Variants in BMP6 observed in about 807,000 individuals in gnomAD.
BMP6 encodes the protein VG-1-R.
In BMP6, 17 loss-of-function variants were observed where a neutral mutation model predicts 54.1. The observed-to-expected ratio is 0.31, with a 90% CI of 0.22 to 0.47. The LOEUF is 0.47. BMP6 is among the 20% of genes least tolerant of loss of function. BMP6 has a pLI of 1.00. For missense variants in BMP6, 720 were observed against 690.4 expected, an observed-to-expected ratio of 1.04 and a Z score of -0.48; for synonymous variants, 328 against 291.2, an observed-to-expected ratio of 1.13 and a Z score of -1.28.
chr6:7,758,525 A>G (rs1043572193), intron 1 of BMP6, among the ~76,000 whole-genome samples: 24 of 152,186 alleles, frequency 1.6e-4, no homozygotes, highest in Admixed American at 1.4e-3. Flanking sequence ...ACGGTTTGCA[A>G]CCAAGCCTAT....
At chr6:7,729,072 C>G (rs2113099246) in intron 1 of BMP6, among the ~76,000 whole-genome samples, 1 of 152,318 alleles carries the variant, frequency 6.6e-6, no homozygotes, top group African/African-American at 2.4e-5. Flanking sequence ...GCCTGCCAAT[C>G]TGGCTGCTTG....
chr6:7,806,377 C>A (rs1037288556), intron 1 of BMP6, among the ~76,000 whole-genome samples: 4 of 152,194 alleles, frequency 2.6e-5, no homozygotes, highest in Admixed American at 2.6e-4. Flanking sequence ...GCTGATTGCC[C>A]ATGTGAGGAC....
intron 1 of BMP6, among the ~76,000 whole-genome samples, chr6:7,807,913 CTTTTTTTTTTTTTTTT>C (rs755894743): frequency 1.2e-5 from 1 of 81,502 alleles, no homozygotes; most frequent in Non-Finnish European, 2.3e-5. Flanking sequence ...GAAGTCTTTA[CTTTTTTTTTTTTTTTT>C]TTTTTTTTTG....
rs536619203 is a variant in BMP6, at chr6:7,824,909, T to C, written c.665-20231T>C. 3.9e-4 allele frequency among the ~76,000 whole-genome samples: 60 copies of C among 152,352 alleles called. 2 individuals carry two copies. The South Asian group carries it at 0.012, about 30-fold the overall frequency. ...GGGAAAAAGGGAAAAGGTAGGCGTT[T>C]AACAAAGGCATTTCATACCACTGGC... On this transcript the variant is annotated intron_variant, in intron 1 of 6. Coordinates refer to ENST00000283147, the MANE Select transcript of BMP6 (RefSeq NM_001718.6).
chr6:7,845,008 A>T, intron 1 of BMP6, 132 bp from the exon 2 acceptor site: 1 of 786,502 alleles, frequency 1.3e-6, no homozygotes, highest in Non-Finnish European at 2.1e-6. Flanking sequence ...TCTGTTCACT[A>T]CCCGATCCCC....
intron 4 of BMP6, among the ~76,000 whole-genome samples, chr6:7,866,170 G>A (rs1199080308): frequency 1.3e-5 from 2 of 152,250 alleles, no homozygotes; most frequent in African/African-American, 4.8e-5. Flanking sequence ...CTAAATGAAG[G>A]CTGGATGTTG....
intron 1 of BMP6, among the ~76,000 whole-genome samples, chr6:7,792,424 C>T (rs1159751061): frequency 2.6e-5 from 4 of 152,346 alleles, no homozygotes; most frequent in African/African-American, 9.6e-5. Flanking sequence ...CCACACCACA[C>T]ATCTTCTAAA....
At position 7,880,589 on chromosome 6, in the gene BMP6, A is replaced by G. The variant is rs1759702087; in HGVS notation, c.*246A>G. On this transcript the variant is annotated 3_prime_UTR_variant, in exon 7 of 7. Transcript: ENST00000283147. ...GATGTCTGTAGCATAAGGTCTGGTA[A>G]CTGCAGAAACATAACCGTGAAGCTC... The G allele has an allele frequency of 9.4e-6, 5 of 532,206 alleles. No individual in the cohort carries two copies. Among genetic ancestry groups the G allele is most frequent in the African/African-American group, 1.9e-5 (1 of 52,838 alleles). 33.0% of individuals were successfully genotyped at this position (532,206 alleles called of 1,614,324 possible). A position where few individuals can be genotyped will look rare whatever the true frequency, so the allele number is the denominator to read the frequency against.
intron 1 of BMP6, among the ~76,000 whole-genome samples, chr6:7,824,763 G>C (rs530996272): frequency 7.9e-5 from 12 of 152,100 alleles, no homozygotes; most frequent in African/African-American, 2.7e-4. Flanking sequence ...ATTGAGTGTT[G>C]GTATTTTCTA....
intron 1 of BMP6, among the ~76,000 whole-genome samples, chr6:7,779,419 A>T (rs904544523): frequency 1.3e-5 from 2 of 151,160 alleles, no homozygotes; most frequent in Non-Finnish European, 2.9e-5. Flanking sequence ...GCTCACTTCA[A>T]CCTCCACCTC....
intron 1 of BMP6, among the ~76,000 whole-genome samples, chr6:7,800,082 GTGTGTGT>G (rs1561775712): frequency 2.5e-3 from 96 of 38,096 alleles, no homozygotes; most frequent in African/African-American, 0.012. Context: ...AGGAAGGGGT[GTGTGTGT>G]GTGTGTGTGT....
At position 7,726,160 on chromosome 6, in the gene BMP6, GCGCCGC is replaced by G. The variant is rs1271993595; in HGVS notation, c.-789_-784del. 6.6e-6 allele frequency among the ~76,000 whole-genome samples: 1 copy of G among 152,202 alleles called. No homozygotes were observed. The highest frequency in any genetic ancestry group is 6.5e-5 in the Admixed American group (1 of 15,290). ...TGGAGAGGCGGGAGACCGAATTCCGGCGCCGCCGCCGCGGCCGCTGCTCGGTGCACT... is the reference window on the plus strand; with the variant it reads ...TGGAGAGGCGGGAGACCGAATTCCGGCGCCGCGGCCGCTGCTCGGTGCACT... On this transcript the variant is annotated 5_prime_UTR_variant, in exon 1 of 7. Coordinates refer to ENST00000283147, the MANE Select transcript of BMP6 (RefSeq NM_001718.6).
chr6:7,838,567 A>T (rs1758913951), intron 1 of BMP6, among the ~76,000 whole-genome samples: 1 of 152,120 alleles, frequency 6.6e-6, no homozygotes, highest in Non-Finnish European at 1.5e-5. Context: ...ACCGAACTGG[A>T]CTCCAACATC....
At position 7,804,313 on chromosome 6, in the gene BMP6, C is replaced by T. The variant is rs72827095; in HGVS notation, c.665-40827C>T. 8.2e-3 allele frequency among the ~76,000 whole-genome samples: 1,245 copies of T among 151,656 alleles called. 8 individuals are homozygous for T. Among genetic ancestry groups the T allele is most frequent in the Non-Finnish European group, 0.014 (959 of 67,912 alleles). The stretch of plus-strand genomic sequence containing the variant: ...TTTTTTTTTAAACTCTCACTTAAAA[C>T]TTACATATTTTTAAAAATTACCTCC... On this transcript the variant is annotated intron_variant, in intron 1 of 6. Transcript: ENST00000283147.
chr6:7,854,850 G>C (rs7768784), intron 2 of BMP6, among the ~76,000 whole-genome samples: 1,958 of 152,286 alleles, frequency 0.013, 35 homozygotes, highest in African/African-American at 0.045. Flanking sequence ...CTCCGCACTT[G>C]ATCACTAGTG....
rs190099056 is a variant in BMP6 at position 7,828,504 on chromosome 6, A to C, written c.665-16636A>C. Among the ~76,000 whole-genome samples the C allele has an allele frequency of 2.0e-5, 3 of 152,278 alleles. No individual in the cohort carries two copies. The East Asian group carries it at 5.8e-4, about 29-fold the overall frequency. ...CATCTGTGATCACATGGTGGTTTAG[A>C]ACTGAGGTCTTGGTTCTAAACCAAG... On this transcript the variant is annotated intron_variant, in intron 1 of 6. Transcript: ENST00000283147.
rs761725399 is a variant in BMP6 at position 7,845,217 on chromosome 6, G to T, written c.742G>T (p.Gly248Cys). 3 of 1,614,056 alleles carry T rather than the reference G, an allele frequency of 1.9e-6. No individual in the cohort carries two copies. The East Asian group carries it at 6.7e-5, about 36-fold the overall frequency. The change falls in exon 2 of 7, where the codon GGT becomes TGT. Residue 248 changes from glycine (G) to cysteine (C), a missense_variant. By Grantham distance (159) the Gly-to-Cys change is radical. Transcript: ENST00000283147. ...GTTCAACTTATCCCAGATTCCTGAG[G>T]GTGAGGTGGTGACGGCTGCAGAATT... ...FKFNLSQIPE[G>C]EVVTAAEFRI...
chr6:7,850,199 G>A (rs1759122256), intron 2 of BMP6, among the ~76,000 whole-genome samples: 1 of 152,142 alleles, frequency 6.6e-6, no homozygotes, highest in African/African-American at 2.4e-5. Context: ...CTGGAGTGCA[G>A]TGGTGCGATC....
intron 3 of BMP6, 148 bp from the exon 4 acceptor site, chr6:7,862,153 G>A: frequency 1.1e-6 from 1 of 946,740 alleles, no homozygotes; most frequent in Non-Finnish European, 1.6e-6. Context: ...ATGGGTGCCA[G>A]GCAAGGTTTG....
Sources: allele counts gnomAD v4.1 joint callset (sites outside exome capture counted in the v4.1 genomes callset), GRCh38; gene constraint gnomAD v4.1.1; transcripts MANE v1.5; gene names NCBI Gene and HGNC (gene_info 2026-07-23, HGNC 2026-07-21).